CPEB3: variants seen among roughly 807,000 people sequenced by gnomAD.
The protein encoded by CPEB3 is cytoplasmic polyadenylation element binding protein 3.
CPEB3 carries 20 observed loss-of-function variants against 67.2 expected under a neutral mutation model. The ratio of observed to expected loss-of-function variants is 0.30; its 90% CI spans 0.21 to 0.43. CPEB3 has a LOEUF of 0.43. Among genes scored for constraint, CPEB3 ranks in the 20% least tolerant of loss-of-function variants. The pLI is 1.00. For synonymous variants in CPEB3, 376 were observed against 393.1 expected (o/e 0.96, Z 0.51); for missense variants, 746 against 968.6 (o/e 0.77, Z 3.05).
intron 1 of CPEB3, among the ~76,000 whole-genome samples, chr10:92,252,259 G>T (rs1852333848): frequency 6.6e-6 from 1 of 152,094 alleles, no homozygotes; most frequent in South Asian, 2.1e-4. Context: ...GGAAAAGGCA[G>T]ACAATACCAA....
At chr10:92,057,494 C>T (rs1235393894) in intron 9 of CPEB3, among the ~76,000 whole-genome samples, 1 of 152,236 alleles carries the variant, frequency 6.6e-6, no homozygotes, top group Non-Finnish European at 1.5e-5. Context: ...CGGAGAGCAC[C>T]TCTGAGTCTG....
In CPEB3 at chr10:92,063,126, AC is replaced by A. The variant is rs572755390; in HGVS notation, c.1870-10688del. Among the ~76,000 whole-genome samples, 47 of 152,366 alleles carry A rather than the reference AC, an allele frequency of 3.1e-4. No individual in the cohort carries two copies. The East Asian group carries it at 8.1e-3, about 26-fold the overall frequency. On this transcript the variant is annotated intron_variant, in intron 9 of 9. Transcript: ENST00000265997. ...ATGCTACAGACAAAGAGAAAGCCAT[AC>A]TTTTTAACAAACTGATCTCAATGCT...
chr10:92,224,720 C>T (rs2134480083), intron 2 of CPEB3, among the ~76,000 whole-genome samples: 1 of 151,842 alleles, frequency 6.6e-6, no homozygotes, highest in South Asian at 2.1e-4. Context: ...GTGGTATGCG[C>T]CTGTAGTCCT....
chr10:92,171,431 C>T (rs1472487763), intron 4 of CPEB3, among the ~76,000 whole-genome samples: 5 of 152,112 alleles, frequency 3.3e-5, no homozygotes, highest in African/African-American at 7.2e-5. Flanking sequence ...CCTTGCCCAC[C>T]CTCCACCCCC....
intron 1 of CPEB3, among the ~76,000 whole-genome samples, chr10:92,247,952 T>G (rs1462982646): frequency 6.6e-6 from 1 of 152,166 alleles, no homozygotes; most frequent in African/African-American, 2.4e-5. Flanking sequence ...TGGAGTGCAG[T>G]GGTGTGATCT....
intron 4 of CPEB3, among the ~76,000 whole-genome samples, chr10:92,162,569 C>T (rs539361138): frequency 4.6e-5 from 7 of 152,094 alleles, no homozygotes; most frequent in Non-Finnish European, 7.4e-5. Context: ...GAAAAAAATG[C>T]TTATTTCCAA....
At chr10:92,238,263 G>A (rs995447554) in intron 2 of CPEB3, among the ~76,000 whole-genome samples, 11 of 152,150 alleles carry the variant, frequency 7.2e-5, no homozygotes, top group South Asian at 6.2e-4. Flanking sequence ...AGCAAAAGCC[G>A]CCTGTGAACA....
intron 2 of CPEB3, among the ~76,000 whole-genome samples, chr10:92,225,800 T>C (rs914029592): frequency 7.2e-5 from 11 of 152,090 alleles, no homozygotes; most frequent in African/African-American, 2.7e-4. Context: ...ATCTGATTAA[T>C]AGAATTATGG....
rs1267899028 is a variant in CPEB3 at position 92,050,444 on chromosome 10, G to C, written c.*1768C>G. ...AATCTATTCTGCAGTGTCATATCCA[G>C]TCAGATTGTCCCCAGAATTCCAAAA... On this transcript the variant is annotated 3_prime_UTR_variant, in exon 10 of 10. Coordinates refer to ENST00000265997, the MANE Select transcript of CPEB3 (RefSeq NM_014912.5). The C allele has an allele frequency of 6.6e-6, 1 of 152,594 alleles. No homozygotes were observed. Among genetic ancestry groups the C allele is most frequent in the African/African-American group, 2.4e-5 (1 of 41,424 alleles). The allele number at this position is 152,594 out of a possible 1,614,324, so 9.5% of individuals were successfully genotyped here. A position where few individuals can be genotyped will look rare whatever the true frequency, so the allele number is the denominator to read the frequency against.
At chr10:92,250,545 T>C (rs1181339176) in intron 1 of CPEB3, among the ~76,000 whole-genome samples, 1 of 152,182 alleles carries the variant, frequency 6.6e-6, no homozygotes, top group East Asian at 1.9e-4. Context: ...TCTACAGTAG[T>C]ATATAGTAAA....
chr10:92,172,125 G>T (rs1405108635), intron 4 of CPEB3, among the ~76,000 whole-genome samples: 4 of 152,100 alleles, frequency 2.6e-5, no homozygotes, highest in Admixed American at 2.6e-4. Context: ...ACAAGACCCT[G>T]TCTCTACAAA....
At chr10:92,106,814 CAAAAAAA>C (rs531195477) in intron 7 of CPEB3, among the ~76,000 whole-genome samples, 37 of 55,988 alleles carry the variant, frequency 6.6e-4, no homozygotes, top group African/African-American at 1.4e-3. Context: ...GACTCTGTCT[CAAAAAAA>C]AAAAAAAAAA....
intron 6 of CPEB3, chr10:92,137,737 G>A (rs529903571): frequency 4.1e-4 from 147 of 357,728 alleles, no homozygotes; most frequent in African/African-American, 9.2e-4. Flanking sequence ...AGTGGCTCAC[G>A]CCTGTAATCC....
chr10:92,063,902 C>T (rs371326827), intron 9 of CPEB3, among the ~76,000 whole-genome samples: 4 of 151,426 alleles, frequency 2.6e-5, no homozygotes, highest in Non-Finnish European at 4.4e-5. Flanking sequence ...AGCAGTGAAG[C>T]GATATAATTT....
At chr10:92,087,271 C>T (rs1843413170) in intron 8 of CPEB3, among the ~76,000 whole-genome samples, 1 of 152,140 alleles carries the variant, frequency 6.6e-6, no homozygotes, top group Admixed American at 6.5e-5. Context: ...ATCCTCACAA[C>T]AGTCAGGGCA....
chr10:92,130,270 C>T (rs558373509), intron 6 of CPEB3, among the ~76,000 whole-genome samples: 1 of 152,034 alleles, frequency 6.6e-6, no homozygotes, highest in East Asian at 1.9e-4. Context: ...AGAGTCTCTA[C>T]TGCACTCTAT....
chr10:92,247,664 T>C (rs1476310166), intron 1 of CPEB3, among the ~76,000 whole-genome samples: 1 of 152,136 alleles, frequency 6.6e-6, no homozygotes, highest in East Asian at 1.9e-4. Context: ...CCCAAAGTTC[T>C]GGGATTACAG....
At chr10:92,255,323 G>C (rs1304468730) in intron 1 of CPEB3, among the ~76,000 whole-genome samples, 1 of 152,040 alleles carries the variant, frequency 6.6e-6, no homozygotes, top group East Asian at 1.9e-4. Flanking sequence ...CTTACTTCCA[G>C]TTAACTCCCC....
chr10:92,140,563 G>A (rs1846355280), intron 6 of CPEB3, among the ~76,000 whole-genome samples: 2 of 151,798 alleles, frequency 1.3e-5, no homozygotes, highest in South Asian at 4.2e-4. Flanking sequence ...TCAGGACATA[G>A]GCATGGGCAA....
Sources: allele counts gnomAD v4.1 joint callset (sites outside exome capture counted in the v4.1 genomes callset), GRCh38; gene constraint gnomAD v4.1.1; transcripts MANE v1.5; gene names NCBI Gene and HGNC (gene_info 2026-07-23, HGNC 2026-07-21).